Variants in ABCB10 observed in about 807,000 individuals in gnomAD.
The protein encoded by ABCB10 is ATP binding cassette subfamily B member 10.
In ABCB10, 54 loss-of-function variants were observed where a neutral mutation model predicts 65.4. The ratio of observed to expected loss-of-function variants is 0.83; its 90% confidence interval spans 0.66 to 1.04. The LOEUF is 1.04. Among genes scored for constraint, ABCB10 ranks in the 50% least tolerant of loss-of-function variants. The pLI, the probability that ABCB10 is intolerant of heterozygous loss-of-function variation, is 0.00. For missense variants in ABCB10, 846 were observed against 976.6 expected (o/e 0.87, Z 1.78); for synonymous variants, 418 against 406.5 (o/e 1.03, Z -0.34).
At chr1:229,542,022 G>A (rs1226523901) in intron 4 of ABCB10, among the ~76,000 whole-genome samples, 2 of 151,826 alleles carry the variant, frequency 1.3e-5, no homozygotes, top group Non-Finnish European at 2.9e-5. Context: ...TCCATAAAAT[G>A]TTTAGTGAAG....
chr1:229,531,902 C>T, intron 6 of ABCB10, 171 bp from the exon 7 acceptor site: 1 of 415,226 alleles, frequency 2.4e-6, no homozygotes, highest in Non-Finnish European at 4.3e-6. Context: ...AATTGCTTGT[C>T]TCATACTCTA....
chr1:229,542,309 A>G lies in ABCB10; in HGVS notation c.984T>C (p.Ile328=). 6.2e-7 allele frequency: 1 copy of G among 1,614,130 alleles called. No homozygotes were observed. The highest frequency in any genetic ancestry group is 8.5e-7 in the Non-Finnish European group (1 of 1,180,016). Residue 328 remains isoleucine, a synonymous_variant, in exon 4 of 13, where the codon ATT becomes ATC. Transcript: ENST00000344517. ...GTAGATATCGCCCATAAATTACAGCAATGATTGACACTGGAGGCACCACGC... is the reference window on the plus strand; with the variant it reads ...GTAGATATCGCCCATAAATTACAGCGATGATTGACACTGGAGGCACCACGC... ...VLSVVPPVSI[I]AVIYGRYLRK... is the part of the protein sequence containing the mutation.
intron 5 of ABCB10, 92 bp downstream of exon 5, chr1:229,540,514 A>G: frequency 7.7e-7 from 1 of 1,294,502 alleles, no homozygotes; most frequent in Non-Finnish European, 1.0e-6. Context: ...TAAAAATTAA[A>G]ATTATTTTCT....
intron 3 of ABCB10, among the ~76,000 whole-genome samples, chr1:229,542,998 G>C (rs1662887054): frequency 6.6e-6 from 1 of 151,980 alleles, no homozygotes; most frequent in Non-Finnish European, 1.5e-5. Context: ...GGGTGTTGGG[G>C]CACGTGCCTG....
rs897829018 is a variant in ABCB10, at chr1:229,521,500, A to G, written c.1950+92T>C. On this transcript the variant is annotated intron_variant, in intron 11 of 12. Transcript: ENST00000344517. ...AAAAAAAAAAAACAAAAAACAGGAAAAGGAAGAAGACAAATAGTAAATTAC... is the reference window on the plus strand; with the variant it reads ...AAAAAAAAAAAACAAAAAACAGGAAGAGGAAGAAGACAAATAGTAAATTAC... The G allele has an allele frequency of 4.8e-6, 7 of 1,457,342 alleles. No individual in the cohort carries two copies. In the African/African-American group the frequency reaches 8.6e-5, roughly 18 times the overall value. 90.3% of individuals were successfully genotyped at this position (1,457,342 alleles called of 1,614,324 possible). A position where few individuals can be genotyped will look rare whatever the true frequency, so the allele number is the denominator to read the frequency against.
rs1291190797 is a variant in ABCB10 at position 229,529,206 on chromosome 1, TG to T, written c.1645+992del. 2.3e-5 allele frequency among the ~76,000 whole-genome samples: 3 copies of T among 132,702 alleles called. No individual in the cohort carries two copies. The East Asian group carries it at 7.3e-4, about 32-fold the overall frequency. 87.1% of individuals were successfully genotyped at this position (132,702 alleles called of 152,430 possible). A position where few individuals can be genotyped will look rare whatever the true frequency, so the allele number is the denominator to read the frequency against. ...TACTCGGGAGGCTGAGGCAGGAGAATGGCGTGAACCCGGGAGGCGGAGCTTG... is the reference window on the plus strand; with the variant it reads ...TACTCGGGAGGCTGAGGCAGGAGAATGCGTGAACCCGGGAGGCGGAGCTTG... On this transcript the variant is annotated intron_variant, in intron 8 of 12. Coordinates refer to ENST00000344517, the MANE Select transcript of ABCB10 (RefSeq NM_012089.3).
At chr1:229,525,379 GA>G (rs557328857) in intron 10 of ABCB10, among the ~76,000 whole-genome samples, 8 of 152,034 alleles carry the variant, frequency 5.3e-5, no homozygotes, top group South Asian at 2.1e-4. Context: ...TTTTTCAGAT[GA>G]AAAAAAGCTT....
chr1:229,524,410 G>C (rs1362095982), intron 10 of ABCB10, among the ~76,000 whole-genome samples: 1 of 152,046 alleles, frequency 6.6e-6, no homozygotes, highest in Non-Finnish European at 1.5e-5. Flanking sequence ...CAATCAGCCT[G>C]TCTTGGCCTC....
chr1:229,533,766 C>G (rs745787838), intron 6 of ABCB10, among the ~76,000 whole-genome samples: 2 of 152,202 alleles, frequency 1.3e-5, no homozygotes, highest in South Asian at 2.1e-4. Context: ...AGACCTTACA[C>G]CTTTCCCAAA....
At chr1:229,550,386 G>A (rs970638013) in intron 1 of ABCB10, among the ~76,000 whole-genome samples, 1 of 151,792 alleles carries the variant, frequency 6.6e-6, no homozygotes. Context: ...ACTAGCCAGG[G>A]TGGTAGCATG....
At chr1:229,531,570 A>C in intron 7 of ABCB10, 66 bp downstream of exon 7, 1 of 1,468,302 alleles carries the variant, frequency 6.8e-7, no homozygotes, top group Non-Finnish European at 9.5e-7. Flanking sequence ...AGACAGGGGA[A>C]GAGCTGGTCT....
intron 7 of ABCB10, among the ~76,000 whole-genome samples, chr1:229,531,049 G>C (rs998099427): frequency 4.6e-5 from 7 of 152,088 alleles, no homozygotes; most frequent in African/African-American, 7.2e-5. Context: ...CAATGTCCTA[G>C]GAAGTCAATA....
At chr1:229,533,523 A>G (rs768652133) in intron 6 of ABCB10, among the ~76,000 whole-genome samples, 4 of 152,266 alleles carry the variant, frequency 2.6e-5, no homozygotes, top group Non-Finnish European at 5.9e-5. Context: ...CTGAAAAAAT[A>G]CAATTCAAAT....
intron 6 of ABCB10, 39 bp from the exon 7 acceptor site, chr1:229,531,770 C>T: frequency 6.8e-7 from 1 of 1,464,810 alleles, no homozygotes. Flanking sequence ...ATGTCCATCA[C>T]TGGCACTGGC....
rs1251670305 is a variant in ABCB10, at chr1:229,542,301, A to G, written c.992T>C (p.Ile331Thr). The change falls in exon 4 of 13, where the codon ATT becomes ACT. Residue 331 changes from isoleucine to threonine, a missense_variant. Around this residue, in one of 2 missense-constraint regions of ABCB10, gnomAD observed 632 missense variants for 803.2 expected, o/e 0.79. Transcript: ENST00000344517. ...VVPPVSIIAV[I>T]YGRYLRKLTK... ...CAGTTTCCGTAGATATCGCCCATAAATTACAGCAATGATTGACACTGGAGG... is the reference window on the plus strand; with the variant it reads ...CAGTTTCCGTAGATATCGCCCATAAGTTACAGCAATGATTGACACTGGAGG... 5 of 1,614,026 alleles carry G rather than the reference A, an allele frequency of 3.1e-6. No individual in the cohort carries two copies. The highest frequency in any genetic ancestry group is 3.4e-6 in the Non-Finnish European group (4 of 1,180,030).
chr1:229,544,760 G>C (rs892538291), intron 3 of ABCB10, among the ~76,000 whole-genome samples: 1 of 152,210 alleles, frequency 6.6e-6, no homozygotes. Context: ...AAATGAGGTC[G>C]TTAAGTGTGG....
intron 10 of ABCB10, among the ~76,000 whole-genome samples, chr1:229,523,350 C>T (rs776536922): frequency 6.6e-6 from 1 of 152,220 alleles, no homozygotes. Flanking sequence ...AACCCAATTC[C>T]ATTTTTGGGG....
At chr1:229,553,462 G>A (rs1041105551) in intron 1 of ABCB10, among the ~76,000 whole-genome samples, 2 of 152,132 alleles carry the variant, frequency 1.3e-5, no homozygotes, top group Non-Finnish European at 2.9e-5. Flanking sequence ...AGGAGCAGCG[G>A]ACAGAGCACT....
intron 11 of ABCB10, chr1:229,519,093 C>G (rs1662240173): frequency 9.8e-6 from 4 of 408,374 alleles, no homozygotes; most frequent in Non-Finnish European, 1.3e-5. Flanking sequence ...TGGTGGATAT[C>G]TGGGGCTGGG....
Sources: allele counts gnomAD v4.1 joint callset (sites outside exome capture counted in the v4.1 genomes callset), GRCh38; gene constraint gnomAD v4.1.1; regional missense constraint gnomAD v4.1.1; transcripts MANE v1.5; gene names NCBI Gene and HGNC (gene_info 2026-07-23, HGNC 2026-07-21).